The following CHD1L variants were observed in gnomAD, a reference collection of about 807,000 sequenced individuals.
CHD1L encodes ATP-dependent chromatin remodeler CHD1L.
In CHD1L, 118 loss-of-function variants were observed where a neutral mutation model predicts 115.9. The observed-to-expected ratio is 1.02, with a 90% CI of 0.88 to 1.19. The LOEUF is 1.19. Among genes scored for constraint, CHD1L ranks in the 50% most tolerant of loss-of-function variants. The pLI, the probability that CHD1L is intolerant of heterozygous loss-of-function variation, is 0.00. For synonymous variants in CHD1L, 411 were observed against 387.1 expected, an observed-to-expected ratio of 1.06 and a Z score of -0.72; for missense variants, 1,179 against 1,065.3, an observed-to-expected ratio of 1.11 and a Z score of -1.49.
chr1:147,203,367 T>A, the CHD1L span: 1 of 1,183,364 alleles, frequency 8.5e-7, no homozygotes, highest in Non-Finnish European at 1.3e-6. Flanking sequence ...CCACTCTAAG[T>A]ACAGTGACTG....
the CHD1L span, chr1:147,201,421 T>A: frequency 6.2e-7 from 1 of 1,614,210 alleles, no homozygotes; most frequent in Non-Finnish European, 8.5e-7. Flanking sequence ...CGTGAATTCC[T>A]TCACATTTCC....
At chr1:147,243,005 G>T (rs966101682) in intron 1 of CHD1L, 175 bp downstream of exon 1, 1 of 779,178 alleles carries the variant, frequency 1.3e-6, no homozygotes, top group African/African-American at 1.8e-5. Context: ...TGGTGGCCAC[G>T]GCCCCCGCCT....
intron 21 of CHD1L, 23 bp downstream of exon 21, chr1:147,293,745 A>T: frequency 7.6e-6 from 12 of 1,576,646 alleles, no homozygotes; most frequent in Non-Finnish European, 1.0e-5. Flanking sequence ...ACCTGTGCTC[A>T]AGAGTAGATG....
chr1:147,271,065 G>A, intron 11 of CHD1L, 60 bp downstream of exon 11: 1 of 1,341,906 alleles, frequency 7.5e-7, no homozygotes, highest in South Asian at 1.2e-5. Flanking sequence ...GTCCAGATAG[G>A]TCCATGAAGA....
At chr1:147,209,020 A>C in the CHD1L span, 3 of 1,614,044 alleles carry the variant, frequency 1.9e-6, no homozygotes, top group African/African-American at 4.0e-5. Flanking sequence ...ACGATTCAGG[A>C]TCCAAGCCCC....
intron 14 of CHD1L, among the ~76,000 whole-genome samples, chr1:147,278,569 G>A (rs587746253): frequency 2.0e-5 from 3 of 151,298 alleles, no homozygotes; most frequent in African/African-American, 7.3e-5. Flanking sequence ...TAAAAGATGT[G>A]GTTCTGATTT....
Position 147,266,047 on chromosome 1 carries a change from G to A in CHD1L, c.855G>A (p.Leu285=). 6.2e-7 allele frequency: 1 copy of A among 1,613,512 alleles called. No homozygotes were observed. Among genetic ancestry groups the A allele is most frequent in the Non-Finnish European group, 8.5e-7 (1 of 1,179,704 alleles). ...EVVIYHGMSA[L]QKKYYKAILM... is the part of the protein sequence containing the mutation. Reference sequence around the variant, plus strand: ...TGATATACCATGGCATGTCAGCATTGCAGAAGAAATACTACAAGGCCATTT... The same window carrying A: ...TGATATACCATGGCATGTCAGCATTACAGAAGAAATACTACAAGGCCATTT... The change falls in exon 8 of 23, where the codon TTG becomes TTA. Residue 285 remains leucine (L), a synonymous_variant. Transcript: ENST00000369258.
At chr1:147,183,390 T>C in the CHD1L span, among the ~76,000 whole-genome samples, 2 of 152,228 alleles carry the variant, frequency 1.3e-5, no homozygotes, top group Non-Finnish European at 1.5e-5. Flanking sequence ...AATGTATTCA[T>C]TTAATTAATT....
chr1:147,187,205 T>C, the CHD1L span: 1 of 1,613,924 alleles, frequency 6.2e-7, no homozygotes, highest in African/African-American at 1.3e-5. Context: ...ATGGTATCTA[T>C]GTAGTCTCCC....
the CHD1L span, among the ~76,000 whole-genome samples, chr1:147,197,395 T>C: frequency 6.6e-6 from 1 of 152,048 alleles, no homozygotes; most frequent in Non-Finnish European, 1.5e-5. Context: ...TCATTAAGCG[T>C]CTGTTTACTT....
chr1:147,233,260 C>T, the CHD1L span, among the ~76,000 whole-genome samples: 249 of 151,562 alleles, frequency 1.6e-3, 1 homozygote, highest in Non-Finnish European at 2.6e-3. Context: ...CCCCTCCGCC[C>T]GGCAGCCGCC....
At chr1:147,288,832 A>G (rs1473828074) in intron 19 of CHD1L, among the ~76,000 whole-genome samples, 1 of 152,218 alleles carries the variant, frequency 6.6e-6, no homozygotes, top group Non-Finnish European at 1.5e-5. Flanking sequence ...GTTGGGTGCC[A>G]GGGGAACTTA....
the CHD1L span, chr1:147,178,255 A>G: frequency 5.6e-6 from 9 of 1,613,574 alleles, no homozygotes; most frequent in Non-Finnish European, 7.6e-6. Flanking sequence ...TGCGGGCCTC[A>G]TGCTCGTCGA....
intron 1 of CHD1L, among the ~76,000 whole-genome samples, chr1:147,244,223 G>T (rs891962028): frequency 6.6e-6 from 1 of 152,198 alleles, no homozygotes; most frequent in Non-Finnish European, 1.5e-5. Context: ...CAGGAGAAAC[G>T]TACATATGGG....
At chr1:147,204,737 T>A in the CHD1L span, 1 of 1,518,110 alleles carries the variant, frequency 6.6e-7, no homozygotes, top group Admixed American at 1.7e-5. Context: ...GCATCATTTG[T>A]CACAAACAAC....
At chr1:147,277,257 T>C (rs1678863479) in intron 14 of CHD1L, among the ~76,000 whole-genome samples, 1 of 152,172 alleles carries the variant, frequency 6.6e-6, no homozygotes, top group African/African-American at 2.4e-5. Flanking sequence ...TGTAAAAGTT[T>C]GCAAGATGGA....
Position 147,285,487 on chromosome 1 carries a change from A to C in CHD1L, c.2018A>C (p.Lys673Thr). 1 of 1,609,762 alleles carries C rather than the reference A, an allele frequency of 6.2e-7. No homozygotes were observed. ...AAGGAAGAGGCTGAACATAAGAAAA[A>C]GTATGTCTGCGTTAACCAAGCTGGC... ...RQKEEAEHKKKMAWWESNNYQ... is the reference protein window; with the variant it reads ...RQKEEAEHKKTMAWWESNNYQ... Residue 673 changes from lysine to threonine, a missense_variant and splice_region_variant, in exon 17 of 23, where the codon AAG becomes ACG. Transcript: ENST00000369258.
chr1:147,286,010 T>A lies in CHD1L; in HGVS notation c.2019-288T>A, dbSNP rs587750396. On this transcript the variant is annotated intron_variant, in intron 17 of 22. Transcript: ENST00000369258. ...CCATGCCCGGCCAAAACCAGAAGAT[T>A]TTAAGATTTTATTGTAGCTATCTGA... 7.2e-5 allele frequency among the ~76,000 whole-genome samples: 11 copies of A among 152,240 alleles called. No individual in the cohort carries two copies. The East Asian group carries it at 2.1e-3, about 29-fold the overall frequency.
chr1:147,272,178 C>CT lies in CHD1L; in HGVS notation c.1168dup (p.Tyr390LeufsTer2), dbSNP rs1553953763. The CT allele has an allele frequency of 1.9e-6, 3 of 1,613,014 alleles. No individual in the cohort carries two copies. In the Admixed American group the frequency reaches 5.0e-5, roughly 27 times the overall value. On this transcript the variant is annotated frameshift_variant, in exon 12 of 23. Coordinates refer to ENST00000369258, the MANE Select transcript of CHD1L (RefSeq NM_004284.6). LOFTEE classifies it high-confidence loss of function. ...TTCTTCCTCTCTGTAAAGGCTACAG[C>CT]TATGAGCGTGTGGATGGTTCTGTGA... is the stretch of plus-strand genomic sequence containing the variant.
Sources: allele counts gnomAD v4.1 joint callset (sites outside exome capture counted in the v4.1 genomes callset), GRCh38; gene constraint gnomAD v4.1.1; transcripts MANE v1.5; gene names NCBI Gene and HGNC (gene_info 2026-07-23, HGNC 2026-07-21).